Variants in METTL15 observed in about 807,000 individuals in gnomAD.
METTL15 encodes methyltransferase 15, mitochondrial 12S rRNA N4-cytidine, also known as 12S rRNA N(4)-cytidine methyltransferase METTL15.
In METTL15, 34 loss-of-function variants were observed where a neutral mutation model predicts 38.3. The ratio of observed to expected loss-of-function variants is 0.89; its 90% CI spans 0.68 to 1.18. The LOEUF (loss-of-function observed/expected upper bound fraction) is 1.18, where lower values mean the gene tolerates loss of function less well. Ranked by LOEUF, METTL15 falls within the 50% of genes most tolerant of loss-of-function variation. METTL15 has a pLI of 0.00. For missense variants in METTL15, 438 were observed against 498.4 expected (o/e 0.88, Z 1.15); for synonymous variants, 162 against 170.9 (o/e 0.95, Z 0.41).
chr11:28,177,636 C>T (rs949497053), intron 3 of METTL15, among the ~76,000 whole-genome samples: 1 of 151,770 alleles, frequency 6.6e-6, no homozygotes, highest in Non-Finnish European at 1.5e-5. Flanking sequence ...CATGATGAAA[C>T]GAATTAGGAA....
chr11:28,255,643 A>G (rs550486342), intron 4 of METTL15, among the ~76,000 whole-genome samples: 2 of 152,150 alleles, frequency 1.3e-5, no homozygotes, highest in African/African-American at 4.8e-5. Context: ...TTTTTTAAAG[A>G]GTTTTTATTA....
At chr11:28,344,491 C>CCGGA (rs1849980732) in intron 3 of METTL15, among the ~76,000 whole-genome samples, 1 of 152,158 alleles carries the variant, frequency 6.6e-6, no homozygotes. Context: ...ATCATGGGCT[C>CCGGA]CAGTCCAATA....
intron 4 of METTL15, among the ~76,000 whole-genome samples, chr11:28,213,638 A>G (rs1390491805): frequency 6.7e-6 from 1 of 149,836 alleles, no homozygotes; most frequent in Non-Finnish European, 1.5e-5. Context: ...AAAAAATAGG[A>G]AAAAGCAATG....
chr11:28,159,649 T>C (rs770097272), intron 3 of METTL15, among the ~76,000 whole-genome samples: 7 of 152,204 alleles, frequency 4.6e-5, no homozygotes, highest in Non-Finnish European at 1.0e-4. Flanking sequence ...TAAGAAAATA[T>C]CGTCATTTTA....
intron 5 of METTL15, among the ~76,000 whole-genome samples, chr11:28,383,003 C>G (rs1466144261): frequency 6.7e-6 from 1 of 149,470 alleles, no homozygotes; most frequent in African/African-American, 2.5e-5. Flanking sequence ...GGTACATGTG[C>G]AAGTTTGTTA....
chr11:28,124,498 A>C (rs1852386702), intron 3 of METTL15, among the ~76,000 whole-genome samples: 1 of 152,128 alleles, frequency 6.6e-6, no homozygotes, highest in Non-Finnish European at 1.5e-5. Flanking sequence ...TTATATTTAT[A>C]ATGACAGTAT....
intron 5 of METTL15, among the ~76,000 whole-genome samples, chr11:28,382,574 C>G (rs553740813): frequency 1.4e-3 from 210 of 152,158 alleles, no homozygotes; most frequent in African/African-American, 5.0e-3. Context: ...TGGCTCACAC[C>G]TGTAATCCCA....
intron 3 of METTL15, among the ~76,000 whole-genome samples, chr11:28,183,070 G>C (rs563655557): frequency 6.6e-6 from 1 of 151,994 alleles, no homozygotes; most frequent in Non-Finnish European, 1.5e-5. Context: ...TCTGTTATTG[G>C]TGTATAGAAG....
chr11:28,392,837 G>A (rs1281793702), intron 5 of METTL15, among the ~76,000 whole-genome samples: 2 of 151,886 alleles, frequency 1.3e-5, no homozygotes, highest in Admixed American at 1.3e-4. Context: ...TAAAAACTGG[G>A]GAAAGTCCTT....
At chr11:28,429,572 C>T (rs1298899568) in intron 6 of METTL15, among the ~76,000 whole-genome samples, 13 of 89,982 alleles carry the variant, frequency 1.4e-4, no homozygotes, top group Admixed American at 1.1e-3. Flanking sequence ...TTGGCCGGGC[C>T]GGTCTCCAGC....
intron 3 of METTL15, chr11:28,145,678 T>G (rs1849857047): frequency 1.3e-5 from 2 of 152,046 alleles, no homozygotes; most frequent in Admixed American, 6.6e-5. Context: ...CTATTTAAAA[T>G]TTAAAAAAAT....
At chr11:28,504,039 A>C (rs1851606736) in intron 6 of METTL15, among the ~76,000 whole-genome samples, 1 of 151,364 alleles carries the variant, frequency 6.6e-6, no homozygotes, top group Non-Finnish European at 1.5e-5. Context: ...CTACTAAAAA[A>C]TACAAAAAAT....
At chr11:28,442,447 T>A (rs1851042670) in intron 6 of METTL15, among the ~76,000 whole-genome samples, 1 of 152,154 alleles carries the variant, frequency 6.6e-6, no homozygotes. Flanking sequence ...CATGGCATTA[T>A]CTCAAGACCA....
intron 3 of METTL15, among the ~76,000 whole-genome samples, chr11:28,184,603 G>A (rs970784216): frequency 6.6e-6 from 1 of 151,584 alleles, no homozygotes; most frequent in South Asian, 2.1e-4. Context: ...AGGATAACAC[G>A]TTTAAATACT....
chr11:28,159,900 C>T (rs1416469406), intron 3 of METTL15, among the ~76,000 whole-genome samples: 1 of 152,058 alleles, frequency 6.6e-6, no homozygotes, highest in Non-Finnish European at 1.5e-5. Flanking sequence ...TTGGTTAATA[C>T]TGAGTGTCAA....
intron 3 of METTL15, among the ~76,000 whole-genome samples, chr11:28,350,763 C>A (rs1402898406): frequency 1.3e-5 from 2 of 152,168 alleles, no homozygotes; most frequent in East Asian, 3.9e-4. Flanking sequence ...ACTGTCTGAG[C>A]ACTATAAGAC....
At chr11:28,429,338 G>T (rs1202208450) in intron 6 of METTL15, among the ~76,000 whole-genome samples, 2 of 147,888 alleles carry the variant, frequency 1.4e-5, no homozygotes, top group Non-Finnish European at 3.0e-5. Flanking sequence ...AAACCTTAAA[G>T]AGTAAACAGT....
intron 3 of METTL15, among the ~76,000 whole-genome samples, chr11:28,351,562 G>T (rs921535192): frequency 6.6e-6 from 1 of 152,182 alleles, no homozygotes; most frequent in Non-Finnish European, 1.5e-5. Flanking sequence ...GTGAGAAAGT[G>T]TTTTATAAAC....
At chr11:28,165,623 A>G (rs558790478) in intron 3 of METTL15, among the ~76,000 whole-genome samples, 2 of 152,138 alleles carry the variant, frequency 1.3e-5, no homozygotes, top group Admixed American at 1.3e-4. Flanking sequence ...CTTTACAACT[A>G]ATTATTTCCT....
Sources: allele counts gnomAD v4.1 joint callset (sites outside exome capture counted in the v4.1 genomes callset), GRCh38; gene constraint gnomAD v4.1.1; transcripts MANE v1.5; gene names NCBI Gene and HGNC (gene_info 2026-07-23, HGNC 2026-07-21).